The following COL22A1 variants were observed in gnomAD, a reference collection of about 807,000 sequenced individuals.
The protein encoded by COL22A1 is collagen type XXII alpha 1 chain.
Under a neutral mutation model 248.9 loss-of-function variants are expected in COL22A1, and 221 were observed. The ratio of observed to expected loss-of-function variants is 0.89; its 90% CI spans 0.80 to 0.99. COL22A1 has a LOEUF of 0.99. Among genes scored for constraint, COL22A1 ranks in the 50% least tolerant of loss-of-function variants. COL22A1 has a pLI of 0.00. For missense variants in COL22A1, 2,240 were observed against 2,179.0 expected, an observed-to-expected ratio of 1.03 and a Z score of -0.56; for synonymous variants, 891 against 793.4, an observed-to-expected ratio of 1.12 and a Z score of -2.07.
intron 2 of COL22A1, 129 bp from the exon 3 acceptor site, chr8:138,878,445 A>G: frequency 2.5e-6 from 2 of 798,788 alleles, no homozygotes; most frequent in South Asian, 4.9e-5. Flanking sequence ...TCATGACCCA[A>G]GGGCCCTGGG....
chr8:138,794,548 C>G (rs1816335051), intron 12 of COL22A1, among the ~76,000 whole-genome samples: 1 of 152,158 alleles, frequency 6.6e-6, no homozygotes, highest in African/African-American at 2.4e-5. Context: ...GAGTTAGAAT[C>G]AGGATCTCAC....
intron 2 of COL22A1, among the ~76,000 whole-genome samples, chr8:138,881,610 G>A (rs569668352): frequency 7.9e-5 from 12 of 152,312 alleles, no homozygotes; most frequent in Non-Finnish European, 1.3e-4. Flanking sequence ...GCGTGAACCC[G>A]GGAGGCGGAG....
intron 22 of COL22A1, among the ~76,000 whole-genome samples, chr8:138,746,185 G>A (rs1832090627): frequency 6.6e-6 from 1 of 152,136 alleles, no homozygotes; most frequent in African/African-American, 2.4e-5. Flanking sequence ...AAAATAAAGG[G>A]CCTGGGTTCT....
intron 3 of COL22A1, among the ~76,000 whole-genome samples, chr8:138,860,874 A>T (rs918403604): frequency 2.0e-5 from 3 of 152,086 alleles, no homozygotes; most frequent in African/African-American, 7.2e-5. Flanking sequence ...TTGCCCCCAA[A>T]CTTTAAGTGC....
chr8:138,793,479 G>C (rs1816242640), intron 12 of COL22A1, among the ~76,000 whole-genome samples: 1 of 152,128 alleles, frequency 6.6e-6, no homozygotes, highest in African/African-American at 2.4e-5. Flanking sequence ...AGGAAGCAGA[G>C]TCCCAGAGAG....
intron 45 of COL22A1, among the ~76,000 whole-genome samples, chr8:138,655,531 A>T (rs1823168350): frequency 6.6e-6 from 1 of 152,048 alleles, no homozygotes. Flanking sequence ...GCTAATTTTT[A>T]AAAAACATTT....
intron 7 of COL22A1, among the ~76,000 whole-genome samples, chr8:138,820,844 C>T (rs1026020488): frequency 3.9e-5 from 6 of 152,126 alleles, no homozygotes; most frequent in Non-Finnish European, 5.9e-5. Context: ...TTGCGGGTAC[C>T]GGTGTCCCCA....
At chr8:138,881,124 G>A (rs1824169454) in intron 2 of COL22A1, among the ~76,000 whole-genome samples, 1 of 152,216 alleles carries the variant, frequency 6.6e-6, no homozygotes, top group African/African-American at 2.4e-5. Context: ...TATGAAATGA[G>A]GGCACAGAGG....
chr8:138,837,305 A>T (rs1214413356), intron 4 of COL22A1, among the ~76,000 whole-genome samples: 1 of 152,122 alleles, frequency 6.6e-6, no homozygotes, highest in Non-Finnish European at 1.5e-5. Context: ...CAGCCGCCAC[A>T]CCTACCGGAG....
At chr8:138,842,421 A>T (rs917770130) in intron 4 of COL22A1, among the ~76,000 whole-genome samples, 2 of 152,236 alleles carry the variant, frequency 1.3e-5, no homozygotes, top group Non-Finnish European at 2.9e-5. Flanking sequence ...CACGGCTCCC[A>T]AAGCCACAGG....
rs1158864978 is a variant in COL22A1, at chr8:138,662,091, A to G, written c.3187-8T>C. 1.2e-6 allele frequency: 2 copies of G among 1,611,324 alleles called. No homozygotes were observed. The highest frequency in any genetic ancestry group is 1.3e-5 in the African/African-American group (1 of 74,806). ...AGGTAAGCCTCGTGATCCCTGAAGA[A>G]AAAGAAAAGAAGACACTGACACCCT... On this transcript the variant is annotated splice_polypyrimidine_tract_variant and splice_region_variant and intron_variant, in intron 42 of 64. Transcript: ENST00000303045.
At chr8:138,741,811 T>C (rs1211920221) in intron 22 of COL22A1, among the ~76,000 whole-genome samples, 1 of 152,222 alleles carries the variant, frequency 6.6e-6, no homozygotes, top group Non-Finnish European at 1.5e-5. Context: ...ATGACAATGG[T>C]AGCAGTTGGT....
rs757808921 is a variant in COL22A1, at chr8:138,655,883, T to C, written c.3333+14A>G. 15 of 1,602,056 alleles carry C rather than the reference T, an allele frequency of 9.4e-6. No homozygotes were observed. The highest frequency in any genetic ancestry group is 1.7e-5 in the Admixed American group (1 of 59,908). On this transcript the variant is annotated intron_variant, in intron 45 of 64. Transcript: ENST00000303045. ...CATTTTCAAAACACATGCGCATTTA[T>C]TGTATGCTTTTACCTTAGCCAAGAG...
chr8:138,896,700 C>T (rs953744236), intron 1 of COL22A1, among the ~76,000 whole-genome samples: 2 of 152,146 alleles, frequency 1.3e-5, no homozygotes, highest in Non-Finnish European at 2.9e-5. Flanking sequence ...AGGCCAGACG[C>T]GGTGGCTTAT....
chr8:138,742,092 T>C (rs780120192), intron 22 of COL22A1, among the ~76,000 whole-genome samples: 49 of 151,728 alleles, frequency 3.2e-4, no homozygotes, highest in South Asian at 6.3e-4. Context: ...ATGGTGATGA[T>C]AGTAGCCATG....
rs1468599110 is a variant in COL22A1 at position 138,712,137 on chromosome 8, A to G, written c.2517+3545T>C. ...AGTCATCCACCAACAGGAAATCCTT[A>G]TGCTCTTTAACAACTCTGAGGGTCC... On this transcript the variant is annotated intron_variant, in intron 30 of 64. Coordinates refer to ENST00000303045, the MANE Select transcript of COL22A1 (RefSeq NM_152888.3). Among the ~76,000 whole-genome samples, 8 of 152,294 alleles carry G rather than the reference A, an allele frequency of 5.3e-5. No homozygotes were observed. In the South Asian group the frequency reaches 1.4e-3, roughly 28 times the overall value.
At chr8:138,684,277 T>C (rs1337142156) in intron 39 of COL22A1, 148 bp downstream of exon 39, 3 of 678,110 alleles carry the variant, frequency 4.4e-6, no homozygotes, top group Non-Finnish European at 5.2e-6. Flanking sequence ...AAAAAAAAAG[T>C]CCTAGAACCT....
intron 3 of COL22A1, among the ~76,000 whole-genome samples, chr8:138,859,007 G>T (rs187599327): frequency 1.0e-3 from 155 of 152,324 alleles, no homozygotes; most frequent in African/African-American, 3.6e-3. Context: ...CTCCATGTCT[G>T]CGGATAAACC....
chr8:138,637,782 C>T (rs1423818512), intron 47 of COL22A1, among the ~76,000 whole-genome samples: 2 of 150,904 alleles, frequency 1.3e-5, no homozygotes, highest in African/African-American at 4.9e-5. Flanking sequence ...CTCAAAAAAA[C>T]ATTAGCTATC....
Sources: gnomAD v4.1 joint callset for allele counts (sites outside exome capture counted in the v4.1 genomes callset) on GRCh38, gnomAD v4.1.1 for gene constraint, MANE v1.5 for transcripts, NCBI Gene and HGNC (gene_info 2026-07-23, HGNC 2026-07-21) for gene names.